The following ARHGAP24 variants were observed in gnomAD, a reference collection of about 807,000 sequenced individuals.
ARHGAP24 encodes rho GTPase-activating protein 24.
ARHGAP24 carries 50 observed loss-of-function variants against 76.4 expected under a neutral mutation model. The observed-to-expected ratio is 0.65, with a 90% CI of 0.52 to 0.83. The LOEUF is 0.83. Among genes scored for constraint, ARHGAP24 ranks in the 40% least tolerant of loss-of-function variants. The pLI, the probability that ARHGAP24 is intolerant of heterozygous loss-of-function variation, is 0.00. For missense variants in ARHGAP24, 930 were observed against 914.2 expected, an observed-to-expected ratio of 1.02 and a Z score of -0.22; for synonymous variants, 345 against 323.3, an observed-to-expected ratio of 1.07 and a Z score of -0.72.
chr4:85,631,038 CAG>C (rs553992970), intron 2 of ARHGAP24, among the ~76,000 whole-genome samples: 55 of 151,896 alleles, frequency 3.6e-4, no homozygotes, highest in Non-Finnish European at 7.5e-4. Flanking sequence ...CTCTCTCTCA[CAG>C]AGAGAGAGGG....
Position 85,993,461 on chromosome 4 carries a change from G to A in ARHGAP24, c.929-1122G>A, listed in dbSNP as rs191360939. Among the ~76,000 whole-genome samples the A allele has an allele frequency of 2.0e-5, 3 of 152,294 alleles. No homozygotes were observed. In the East Asian group the frequency reaches 5.8e-4, roughly 29 times the overall value. On this transcript the variant is annotated intron_variant, in intron 8 of 9. Coordinates refer to ENST00000395184, the MANE Select transcript of ARHGAP24 (RefSeq NM_001025616.3). ...TTTTGAATCATCACAAGAAAAGTGT[G>A]TAGAATATAAATGAATATAATATGT...
intron 2 of ARHGAP24, among the ~76,000 whole-genome samples, chr4:85,580,013 C>T (rs1344221020): frequency 4.6e-5 from 7 of 152,024 alleles, no homozygotes; most frequent in Non-Finnish European, 1.0e-4. Context: ...TATGTTTAAC[C>T]TTTTGAGGAA....
chr4:85,720,494 T>C (rs1245886429), intron 2 of ARHGAP24, among the ~76,000 whole-genome samples: 1 of 152,182 alleles, frequency 6.6e-6, no homozygotes, highest in Non-Finnish European at 1.5e-5. Context: ...TTTACTTGCA[T>C]TTTAATTTGA....
intron 1 of ARHGAP24, among the ~76,000 whole-genome samples, chr4:85,549,126 G>C (rs1359916146): frequency 6.6e-6 from 1 of 151,212 alleles, no homozygotes; most frequent in Non-Finnish European, 1.5e-5. Flanking sequence ...ACATTTTTGT[G>C]TAAATCTTGA....
chr4:85,564,702 C>T (rs923775840), intron 1 of ARHGAP24, among the ~76,000 whole-genome samples: 2 of 151,104 alleles, frequency 1.3e-5, no homozygotes, highest in Non-Finnish European at 2.9e-5. Flanking sequence ...TCATAAGGAG[C>T]GCACGACCTA....
At chr4:85,754,300 G>T (rs969375248) in intron 3 of ARHGAP24, among the ~76,000 whole-genome samples, 2 of 152,166 alleles carry the variant, frequency 1.3e-5, no homozygotes, top group Non-Finnish European at 2.9e-5. Context: ...ATTGTGTACA[G>T]ATATCACATT....
At position 85,995,623 on chromosome 4, in the gene ARHGAP24, A is replaced by T; in HGVS notation, c.1969A>T (p.Lys657Ter). ...TTCCAGCCTGAAACAGGAAATGACC[A>T]AACAGAAGATAGAGTATGAGTCCAG... is the stretch of plus-strand genomic sequence containing the variant. ...LVSSLKQEMT[K>*]QKIEYESRIK... The change falls in exon 9 of 10, where the codon AAA (lysine) becomes TAA (stop). Residue 657 changes from lysine to a stop codon, truncating the protein, a stop_gained. Transcript: ENST00000395184. LOFTEE classifies it high-confidence loss of function. 6.2e-7 allele frequency: 1 copy of T among 1,614,018 alleles called. No individual in the cohort carries two copies. The highest frequency in any genetic ancestry group is 8.5e-7 in the Non-Finnish European group (1 of 1,179,986).
rs774362204 is a variant in ARHGAP24, at chr4:85,798,773, A to G, written c.268+76801A>G. 2.0e-5 allele frequency among the ~76,000 whole-genome samples: 3 copies of G among 152,206 alleles called. No individual in the cohort carries two copies. In the East Asian group the frequency reaches 5.8e-4, roughly 29 times the overall value. ...AAATGATAGTTAAAAATTGTAGCAA[A>G]TTGAGGGAGATTTTCTGGTAAGAAT... On this transcript the variant is annotated intron_variant, in intron 3 of 9. Coordinates refer to ENST00000395184, the MANE Select transcript of ARHGAP24 (RefSeq NM_001025616.3).
chr4:85,750,941 G>C (rs17010755), intron 3 of ARHGAP24, among the ~76,000 whole-genome samples: 78,315 of 152,044 alleles, frequency 0.52, 23,306 homozygotes, highest in Non-Finnish European at 0.69. Flanking sequence ...TGTTTTCTTT[G>C]CCTTTCATAA....
chr4:85,827,518 T>TGTGTGTGTGTGTGTGTGTGTG (rs1368669294), intron 3 of ARHGAP24, among the ~76,000 whole-genome samples: 3 of 57,932 alleles, frequency 5.2e-5, no homozygotes, highest in Non-Finnish European at 8.1e-5. Context: ...GTGTGTGTGT[T>TGTGTGTGTGTGTGTGTGTGTG]TAGAGAGAGA....
At chr4:85,840,591 T>C (rs1730546150) in intron 3 of ARHGAP24, among the ~76,000 whole-genome samples, 1 of 152,236 alleles carries the variant, frequency 6.6e-6, no homozygotes, top group South Asian at 2.1e-4. Flanking sequence ...TTTTGCTTAG[T>C]TAGCAGGATT....
At chr4:85,684,588 G>C (rs922071590) in intron 2 of ARHGAP24, among the ~76,000 whole-genome samples, 4 of 152,084 alleles carry the variant, frequency 2.6e-5, no homozygotes, top group African/African-American at 7.2e-5. Flanking sequence ...TTCCGTCCAA[G>C]CCGATATAAT....
chr4:85,555,547 C>T (rs1726322900), intron 1 of ARHGAP24, among the ~76,000 whole-genome samples: 1 of 152,192 alleles, frequency 6.6e-6, no homozygotes, highest in Non-Finnish European at 1.5e-5. Flanking sequence ...GATATGCTCC[C>T]TCTCTGTGCT....
intron 3 of ARHGAP24, among the ~76,000 whole-genome samples, chr4:85,749,755 C>T (rs1405449084): frequency 6.6e-6 from 1 of 152,022 alleles, no homozygotes; most frequent in Non-Finnish European, 1.5e-5. Flanking sequence ...TTAGTAGGGA[C>T]AGGATTTCCC....
intron 3 of ARHGAP24, among the ~76,000 whole-genome samples, chr4:85,835,077 T>C (rs345370): frequency 0.82 from 124,197 of 151,988 alleles, 52,707 homozygotes; most frequent in Non-Finnish European, 0.95. Context: ...GTCATTTTTC[T>C]GAGGAGTGTG....
At chr4:85,849,747 C>T (rs777423627) in intron 3 of ARHGAP24, among the ~76,000 whole-genome samples, 9 of 151,918 alleles carry the variant, frequency 5.9e-5, no homozygotes, top group East Asian at 1.9e-4. Flanking sequence ...TGATGGATTA[C>T]GTTTATTGAT....
chr4:85,660,817 A>AC lies in ARHGAP24; in HGVS notation c.181-61068_181-61067insC, dbSNP rs1560573731. ...CTCAAAAAAAAAAAAAAAAAAAAAA[A>AC]TCTGTAGATGGGGATTGTTTAGAGA... On this transcript the variant is annotated intron_variant, in intron 2 of 9. Coordinates refer to ENST00000395184, the MANE Select transcript of ARHGAP24 (RefSeq NM_001025616.3). 3.3e-5 allele frequency among the ~76,000 whole-genome samples: 5 copies of AC among 149,944 alleles called. No homozygotes were observed. In the South Asian group the frequency reaches 1.1e-3, roughly 32 times the overall value.
intron 3 of ARHGAP24, among the ~76,000 whole-genome samples, chr4:85,746,408 A>G (rs918996546): frequency 6.6e-6 from 1 of 152,240 alleles, no homozygotes; most frequent in Non-Finnish European, 1.5e-5. Flanking sequence ...CTCTACCAGC[A>G]AACCTCAAAA....
chr4:85,516,823 T>C (rs1321628265), intron 1 of ARHGAP24, among the ~76,000 whole-genome samples: 4 of 152,176 alleles, frequency 2.6e-5, no homozygotes, highest in African/African-American at 7.2e-5. Flanking sequence ...TTGATTGGTC[T>C]TTCCTTGGAT....
Sources: gnomAD v4.1 joint callset for allele counts (sites outside exome capture counted in the v4.1 genomes callset) on GRCh38, gnomAD v4.1.1 for gene constraint, MANE v1.5 for transcripts, NCBI Gene and HGNC (gene_info 2026-07-23, HGNC 2026-07-21) for gene names.